Variants in TBCK observed in about 807,000 individuals in gnomAD.
The protein encoded by TBCK is TBC1 domain containing kinase.
TBCK carries 99 observed loss-of-function variants against 113.4 expected under a neutral mutation model. The ratio of observed to expected loss-of-function variants is 0.87; its 90% CI spans 0.74 to 1.03. The LOEUF (loss-of-function observed/expected upper bound fraction) is 1.03, where lower values mean the gene tolerates loss of function less well. Ranked by LOEUF, TBCK falls within the 50% of genes least tolerant of loss-of-function variation. TBCK has a pLI of 0.00. For missense variants in TBCK, 1,045 were observed against 1,061.3 expected (o/e 0.98, Z 0.21); for synonymous variants, 369 against 370.8 (o/e 1.00, Z 0.05).
chr4:106,160,445 T>G (rs1749637342), intron 23 of TBCK, among the ~76,000 whole-genome samples: 1 of 151,632 alleles, frequency 6.6e-6, no homozygotes, highest in Non-Finnish European at 1.5e-5. Flanking sequence ...CAAAAGACCT[T>G]GAATAGGGCA....
At chr4:106,265,058 C>T (rs1348868661) in intron 3 of TBCK, among the ~76,000 whole-genome samples, 1 of 151,856 alleles carries the variant, frequency 6.6e-6, no homozygotes. Context: ...CCCAATATGT[C>T]TAATGTGGGC....
At chr4:106,123,169 T>G (rs1744671415) in intron 23 of TBCK, among the ~76,000 whole-genome samples, 1 of 152,178 alleles carries the variant, frequency 6.6e-6, no homozygotes, top group Admixed American at 6.5e-5. Flanking sequence ...ATAAGCAACT[T>G]CAGCAAAGTC....
rs1419212818 is a variant in TBCK at position 106,308,806 on chromosome 4, C to G, written c.155G>C (p.Arg52Thr). The G allele has an allele frequency of 1.9e-6, 3 of 1,614,066 alleles. No individual in the cohort carries two copies. The highest frequency in any genetic ancestry group is 2.2e-5 in the South Asian group (2 of 91,076). Residue 52 changes from arginine to threonine, a missense_variant, in exon 2 of 26, where the codon AGA (arginine) becomes ACA (threonine). Arg to Thr is a moderately conservative substitution (Grantham distance 71). Transcript: ENST00000394708. ...AGAAATATCCACATACTGGCAGAGT[C>G]TGGGATGGGTGATGGTTTTAAGGAT... ...FQILKTITHP[R>T]LCQYVDISRG... is the part of the protein sequence containing the mutation.
chr4:106,077,348 A>C (rs1420168442), intron 25 of TBCK, among the ~76,000 whole-genome samples: 1 of 152,214 alleles, frequency 6.6e-6, no homozygotes, highest in Non-Finnish European at 1.5e-5. Flanking sequence ...AAACAGGCTA[A>C]ATGCCTCGAT....
intron 25 of TBCK, among the ~76,000 whole-genome samples, chr4:106,053,638 C>T (rs1256779765): frequency 2.6e-5 from 4 of 151,680 alleles, no homozygotes; most frequent in African/African-American, 4.8e-5. Context: ...ACACTGATGA[C>T]TGTAAATTTG....
chr4:106,266,854 A>G (rs1397265759), intron 3 of TBCK, among the ~76,000 whole-genome samples: 1 of 151,946 alleles, frequency 6.6e-6, no homozygotes, highest in Non-Finnish European at 1.5e-5. Context: ...CTTTAATACT[A>G]CCAATAACTT....
chr4:106,304,880 T>C (rs991919262), intron 2 of TBCK, among the ~76,000 whole-genome samples: 1 of 152,154 alleles, frequency 6.6e-6, no homozygotes, highest in African/African-American at 2.4e-5. Context: ...TACTAAGTAA[T>C]TCTTATTTAC....
chr4:106,300,645 C>G (rs1231221587), intron 2 of TBCK, among the ~76,000 whole-genome samples: 1 of 152,166 alleles, frequency 6.6e-6, no homozygotes, highest in Non-Finnish European at 1.5e-5. Flanking sequence ...TATGAGTCAG[C>G]TTAGCTAGAA....
intron 23 of TBCK, among the ~76,000 whole-genome samples, chr4:106,122,543 G>A (rs1744561869): frequency 6.6e-6 from 1 of 152,174 alleles, no homozygotes; most frequent in Non-Finnish European, 1.5e-5. Flanking sequence ...GCATCATCCT[G>A]ATACCAAAGC....
At chr4:106,294,794 T>A (rs1414137201) in intron 3 of TBCK, among the ~76,000 whole-genome samples, 1 of 152,128 alleles carries the variant, frequency 6.6e-6, no homozygotes, top group Non-Finnish European at 1.5e-5. Flanking sequence ...AAAATAATCT[T>A]AATCTCAGCT....
At chr4:106,090,030 C>T (rs2149506830) in intron 25 of TBCK, among the ~76,000 whole-genome samples, 1 of 152,312 alleles carries the variant, frequency 6.6e-6, no homozygotes, top group East Asian at 1.9e-4. Flanking sequence ...TGCAGGGGCT[C>T]CACTCTACGT....
chr4:106,160,486 G>T (rs1749640719), intron 23 of TBCK, among the ~76,000 whole-genome samples: 1 of 151,420 alleles, frequency 6.6e-6, no homozygotes, highest in South Asian at 2.1e-4. Flanking sequence ...AAATGGCTAA[G>T]AAGTACATGA....
chr4:106,230,487 A>T (rs1300038605), intron 18 of TBCK, 41 bp from the exon 19 acceptor site: 2 of 1,303,948 alleles, frequency 1.5e-6, no homozygotes, highest in East Asian at 4.7e-5. Context: ...AAATTAGTTA[A>T]CAGGGTAGAT....
At chr4:106,176,310 C>G (rs1751663913) in intron 22 of TBCK, among the ~76,000 whole-genome samples, 1 of 152,040 alleles carries the variant, frequency 6.6e-6, no homozygotes, top group Non-Finnish European at 1.5e-5. Context: ...TAACCAACCT[C>G]TCTCTTCATC....
At chr4:106,084,141 A>C (rs1322896487) in intron 25 of TBCK, among the ~76,000 whole-genome samples, 8 of 152,174 alleles carry the variant, frequency 5.3e-5, no homozygotes, top group African/African-American at 1.9e-4. Flanking sequence ...AACTATGACG[A>C]GGTAAAGGAA....
At position 106,291,349 on chromosome 4, in the gene TBCK, T is replaced by G. The variant is rs371672084; in HGVS notation, c.266+3745A>C. 7.2e-5 allele frequency among the ~76,000 whole-genome samples: 11 copies of G among 152,198 alleles called. No individual in the cohort carries two copies. In the East Asian group the frequency reaches 1.3e-3, roughly 19 times the overall value. ...TCTTTAAAAAGGGGGAAAGACCCCA[T>G]GATGAGACAGCAGAAGACTCTAAGA... On this transcript the variant is annotated intron_variant, in intron 3 of 25. Coordinates refer to ENST00000394708, the MANE Select transcript of TBCK (RefSeq NM_001163435.3).
intron 1 of TBCK, among the ~76,000 whole-genome samples, chr4:106,311,509 C>T (rs1489037021): frequency 6.6e-6 from 1 of 151,472 alleles, no homozygotes; most frequent in African/African-American, 2.4e-5. Flanking sequence ...ACAAATAATT[C>T]TGGAATACTT....
At chr4:106,257,931 C>A (rs1254802758) in intron 5 of TBCK, among the ~76,000 whole-genome samples, 2 of 151,962 alleles carry the variant, frequency 1.3e-5, no homozygotes, top group Non-Finnish European at 2.9e-5. Flanking sequence ...ATCCAGAAGT[C>A]AGTTTTCATC....
chr4:106,085,761 A>G (rs1468808699), intron 25 of TBCK, among the ~76,000 whole-genome samples: 1 of 152,248 alleles, frequency 6.6e-6, no homozygotes, highest in Non-Finnish European at 1.5e-5. Context: ...TTCTCAGAAC[A>G]CAGTTCAATC....
Sources: allele counts gnomAD v4.1 joint callset (sites outside exome capture counted in the v4.1 genomes callset), GRCh38; gene constraint gnomAD v4.1.1; transcripts MANE v1.5; gene names NCBI Gene and HGNC (gene_info 2026-07-23, HGNC 2026-07-21).